Variants in CDH18 observed in about 807,000 individuals in gnomAD.
The protein encoded by CDH18 is cadherin 18.
In CDH18, 31 loss-of-function variants were observed where a neutral mutation model predicts 67.9. The observed-to-expected ratio is 0.46, with a 90% CI of 0.34 to 0.62. The LOEUF is 0.62. Among genes scored for constraint, CDH18 ranks in the 20% least tolerant of loss-of-function variants. The pLI is 0.01. For synonymous variants in CDH18, 362 were observed against 347.2 expected (o/e 1.04, Z -0.48); for missense variants, 890 against 975.5 (o/e 0.91, Z 1.17).
At chr5:20,412,704 C>A (rs894241850) in intron 1 of CDH18, among the ~76,000 whole-genome samples, 1 of 152,138 alleles carries the variant, frequency 6.6e-6, no homozygotes, top group Admixed American at 6.5e-5. Context: ...CAAAAGAAGA[C>A]GTACACACCA....
chr5:20,256,706 A>G (rs1027151501), intron 1 of CDH18, among the ~76,000 whole-genome samples: 8 of 152,186 alleles, frequency 5.3e-5, no homozygotes, highest in Admixed American at 4.6e-4. Context: ...TCATCAAAGT[A>G]GAAATGTCTG....
intron 1 of CDH18, among the ~76,000 whole-genome samples, chr5:20,404,193 G>A (rs1430114173): frequency 6.6e-6 from 1 of 152,138 alleles, no homozygotes; most frequent in African/African-American, 2.4e-5. Flanking sequence ...CAAATGTTGT[G>A]GCTTGTTTGA....
chr5:19,697,697 T>C (rs1762712918), intron 5 of CDH18, among the ~76,000 whole-genome samples: 2 of 152,254 alleles, frequency 1.3e-5, no homozygotes, highest in South Asian at 4.1e-4. Flanking sequence ...CTGGAATAAG[T>C]GAATAAAAAA....
At chr5:19,852,137 C>T (rs570245549) in intron 2 of CDH18, among the ~76,000 whole-genome samples, 4 of 151,906 alleles carry the variant, frequency 2.6e-5, no homozygotes, top group Non-Finnish European at 4.4e-5. Flanking sequence ...TCTGGATTGA[C>T]CAGGTGGTAG....
intron 11 of CDH18, among the ~76,000 whole-genome samples, chr5:19,486,717 C>T (rs191727154): frequency 4.4e-4 from 67 of 152,102 alleles, no homozygotes; most frequent in Non-Finnish European, 7.8e-4. Context: ...TGCTGGAACT[C>T]GGGAGGCAGA....
intron 9 of CDH18, among the ~76,000 whole-genome samples, chr5:19,525,914 A>G (rs116287659): frequency 1.0e-3 from 157 of 152,280 alleles, no homozygotes; most frequent in African/African-American, 3.7e-3. Context: ...TATTTCTATT[A>G]TTGTTATTAT....
intron 7 of CDH18, among the ~76,000 whole-genome samples, chr5:19,586,647 T>C (rs927762599): frequency 2.0e-5 from 3 of 152,210 alleles, no homozygotes; most frequent in African/African-American, 7.2e-5. Context: ...TTTACTATTG[T>C]GAATAGTCCT....
intron 2 of CDH18, among the ~76,000 whole-genome samples, chr5:19,911,811 G>C (rs1260810784): frequency 6.6e-6 from 1 of 152,164 alleles, no homozygotes; most frequent in Non-Finnish European, 1.5e-5. Context: ...ATCCATAAAA[G>C]AGGTGAACTG....
intron 1 of CDH18, among the ~76,000 whole-genome samples, chr5:20,352,624 C>CGA (rs1554122188): frequency 6.7e-5 from 6 of 89,140 alleles, no homozygotes; most frequent in Admixed American, 2.6e-4. Context: ...ACTAAAAATA[C>CGA]AAAAAAAAAA....
chr5:20,033,323 T>A (rs937812141), intron 2 of CDH18, among the ~76,000 whole-genome samples: 1 of 152,014 alleles, frequency 6.6e-6, no homozygotes, highest in African/African-American at 2.4e-5. Flanking sequence ...GAGAATGCTA[T>A]CTTCTGAAGG....
intron 3 of CDH18, among the ~76,000 whole-genome samples, chr5:19,790,666 G>C (rs892628102): frequency 2.0e-5 from 3 of 152,120 alleles, no homozygotes; most frequent in African/African-American, 7.2e-5. Flanking sequence ...GGAAGCCTCT[G>C]AAGGATTTTA....
At chr5:19,566,298 C>T (rs1464739477) in intron 8 of CDH18, among the ~76,000 whole-genome samples, 2 of 152,146 alleles carry the variant, frequency 1.3e-5, no homozygotes, top group Non-Finnish European at 2.9e-5. Flanking sequence ...AGTACAACCA[C>T]TATGGAGAAC....
rs774396694 is a variant in CDH18, at chr5:20,555,408, C to CTTTTTTTTTTTTTTTTTTTTTTTT, written c.-580+20030_-580+20053dup. Among the ~76,000 whole-genome samples the CTTTTTTTTTTTTTTTTTTTTTTTT allele has an allele frequency of 2.8e-4, 29 of 103,656 alleles. 1 individual carries two copies. Among genetic ancestry groups the CTTTTTTTTTTTTTTTTTTTTTTTT allele is most frequent in the African/African-American group, 4.1e-4 (10 of 24,368 alleles). 68.0% of individuals were successfully genotyped at this position (103,656 alleles called of 152,430 possible). A position where few individuals can be genotyped will look rare whatever the true frequency, so the allele number is the denominator to read the frequency against. On this transcript the variant is annotated intron_variant, in intron 1 of 14. Transcript: ENST00000507958. ...GCCAGAACCACCAAGACAAGCTTTT[C>CTTTTTTTTTTTTTTTTTTTTTTTT]TTTTTTTTTTTTTTTTTTTTTTTTT...
intron 3 of CDH18, among the ~76,000 whole-genome samples, chr5:19,814,863 CACACACACACACAT>C (rs1257455788): frequency 8.0e-6 from 1 of 125,722 alleles, no homozygotes; most frequent in Non-Finnish European, 1.9e-5. Flanking sequence ...CACACACACA[CACACACACACACAT>C]GGACACACAC....
At chr5:19,701,718 G>T (rs1763272688) in intron 5 of CDH18, among the ~76,000 whole-genome samples, 1 of 152,064 alleles carries the variant, frequency 6.6e-6, no homozygotes, top group African/African-American at 2.4e-5. Flanking sequence ...CAGGGGACAA[G>T]TTTCTTCTCA....
chr5:19,828,229 AAG>A (rs1392600105), intron 3 of CDH18, among the ~76,000 whole-genome samples: 1 of 152,104 alleles, frequency 6.6e-6, no homozygotes, highest in Non-Finnish European at 1.5e-5. Context: ...AATCAGTAAT[AAG>A]AGTCTTACCA....
intron 1 of CDH18, among the ~76,000 whole-genome samples, chr5:20,387,525 T>C (rs1445631242): frequency 6.6e-6 from 1 of 152,154 alleles, no homozygotes; most frequent in Non-Finnish European, 1.5e-5. Context: ...AGGGACAATT[T>C]GACTTCATCT....
chr5:20,403,877 A>G (rs1746002027), intron 1 of CDH18, among the ~76,000 whole-genome samples: 1 of 151,592 alleles, frequency 6.6e-6, no homozygotes, highest in South Asian at 2.1e-4. Flanking sequence ...TGAAAGTTTT[A>G]GATGGCATGA....
At chr5:20,112,419 A>G (rs1459590975) in intron 2 of CDH18, among the ~76,000 whole-genome samples, 1 of 152,232 alleles carries the variant, frequency 6.6e-6, no homozygotes. Context: ...TGTGCTTTCT[A>G]TATGCCTGGC....
Sources: gnomAD v4.1 joint callset for allele counts (sites outside exome capture counted in the v4.1 genomes callset) on GRCh38, gnomAD v4.1.1 for gene constraint, MANE v1.5 for transcripts, NCBI Gene and HGNC (gene_info 2026-07-23, HGNC 2026-07-21) for gene names.